SNRNP70: variants seen among roughly 807,000 people sequenced by gnomAD.
SNRNP70 encodes the protein U1 small nuclear ribonucleoprotein 70 kDa.
SNRNP70 carries 8 observed loss-of-function variants against 50.5 expected under a neutral mutation model. The ratio of observed to expected loss-of-function variants is 0.16; its 90% CI spans 0.09 to 0.29. SNRNP70 has a LOEUF of 0.29. Among genes scored for constraint, SNRNP70 ranks in the 10% least tolerant of loss-of-function variants. The pLI, the probability that SNRNP70 is intolerant of heterozygous loss-of-function variation, is 1.00. For synonymous variants in SNRNP70, 320 were observed against 252.9 expected (o/e 1.27, Z -2.52); for missense variants, 529 against 663.5 (o/e 0.80, Z 2.23).
At chr19:49,101,916 C>T (rs1465547891) in intron 7 of SNRNP70, among the ~76,000 whole-genome samples, 1 of 151,730 alleles carries the variant, frequency 6.6e-6, no homozygotes, top group Non-Finnish European at 1.5e-5. Context: ...CTCCGCTTCC[C>T]CAACCCTGGC....
intron 4 of SNRNP70, among the ~76,000 whole-genome samples, chr19:49,095,298 G>A (rs2040498924): frequency 6.6e-6 from 1 of 152,334 alleles, no homozygotes; most frequent in East Asian, 1.9e-4. Flanking sequence ...GCATTCATTG[G>A]TCCCACTGTC....
chr19:49,098,584 C>G (rs559268144), intron 5 of SNRNP70, 58 bp from the exon 6 acceptor site: 7 of 1,594,318 alleles, frequency 4.4e-6, no homozygotes, highest in Non-Finnish European at 6.0e-6. Context: ...GGGGAATGTT[C>G]CAGGGGCTGT....
At chr19:49,089,656 A>ATTTTTTTTTTTTTTTTTTTTTTTTTTTTT (rs71179085) in intron 2 of SNRNP70, among the ~76,000 whole-genome samples, 1 of 82,586 alleles carries the variant, frequency 1.2e-5, no homozygotes, top group Non-Finnish European at 2.2e-5. Context: ...TTGAGACAGG[A>ATTTTTTTTTTTTTTTTTTTTTTTTTTTTT]TTTTTTTTTT....
intron 4 of SNRNP70, among the ~76,000 whole-genome samples, chr19:49,097,164 G>GCTTCTGGCAACACCCACA (rs1443611314): frequency 6.6e-6 from 1 of 151,980 alleles, no homozygotes; most frequent in Non-Finnish European, 1.5e-5. Context: ...TATTTCTCTA[G>GCTTCTGGCAACACCCACA]CTTCTGGCAA....
chr19:49,107,961 A>G lies in SNRNP70; in HGVS notation c.832A>G (p.Arg278Gly). 6.5e-7 allele frequency: 1 copy of G among 1,547,662 alleles called. No individual in the cohort carries two copies. The highest frequency in any genetic ancestry group is 8.7e-7 in the Non-Finnish European group (1 of 1,146,102). ...SRDKEERRRS[R>G]ERSKDKDRDR... The stretch of plus-strand genomic sequence containing the variant: ...CGACAAGGAGGAGCGGAGGCGCTCC[A>G]GGGAGCGGAGCAAGGACAAGGACCG... The change falls in exon 10 of 10, where the codon AGG becomes GGG. Residue 278 changes from arginine to glycine, a missense_variant. By Grantham distance (125) the Arg-to-Gly change is moderately radical (BLOSUM62 -2). Around this residue, in one of 4 missense-constraint regions of SNRNP70, gnomAD observed 327 missense variants for 308.8 expected, o/e 1.06. Coordinates refer to ENST00000598441, the MANE Select transcript of SNRNP70 (RefSeq NM_003089.6). The surrounding 1 kb of genome is among the most constrained non-coding windows in gnomAD (Gnocchi z 6.0).
rs756781409 is a variant in SNRNP70 at position 49,108,071 on chromosome 19, C to T, written c.942C>T (p.Gly314=). The part of the protein sequence containing the change: ...ERKEELRGGG[G]DMAEPSEAGD... ...AGGAGGAGCTGCGTGGCGGCGGTGG[C>T]GACATGGCGGAGCCCTCCGAGGCGG... Residue 314 remains glycine (G), a synonymous_variant, in exon 10 of 10, where the codon GGC becomes GGT. Coordinates refer to ENST00000598441, the MANE Select transcript of SNRNP70 (RefSeq NM_003089.6). 5.2e-6 allele frequency: 8 copies of T among 1,553,036 alleles called. No individual in the cohort carries two copies. The highest frequency in any genetic ancestry group is 2.4e-5 in the South Asian group (2 of 84,146).
At position 49,086,878 on chromosome 19, in the gene SNRNP70, A is replaced by G. The variant is rs533726851; in HGVS notation, c.147+317A>G. Among the ~76,000 whole-genome samples, 20 of 126,754 alleles carry G rather than the reference A, an allele frequency of 1.6e-4. No individual in the cohort carries two copies. In the East Asian group the frequency reaches 3.7e-3, roughly 23 times the overall value. 83.2% of individuals were successfully genotyped at this position (126,754 alleles called of 152,430 possible). A position where few individuals can be genotyped will look rare whatever the true frequency, so the allele number is the denominator to read the frequency against. On this transcript the variant is annotated intron_variant, in intron 2 of 9. Coordinates refer to ENST00000598441, the MANE Select transcript of SNRNP70 (RefSeq NM_003089.6). ...GAGCAGGACTTCGTCTCTCAAAAAA[A>G]AAATTTTTTTTTTAAGTGGGGTTGT...
At chr19:49,090,196 G>A in intron 2 of SNRNP70, 95 bp from the exon 3 acceptor site, 1 of 1,027,256 alleles carries the variant, frequency 9.7e-7, no homozygotes. Flanking sequence ...GTAGGGGGTG[G>A]GGGTGGGAGG....
Position 49,090,305 on chromosome 19 carries a change from C to G in SNRNP70, c.162C>G (p.Ala54=), listed in dbSNP as rs778934620. ...YIREFEDPRD[A]PPPTRAETRE... is the part of the protein sequence containing the mutation. ...CTTGTTCCCAGGACCCTCGAGATGCCCCTCCTCCAACTCGTGCTGAAACCC... is the reference window on the plus strand; with the variant it reads ...CTTGTTCCCAGGACCCTCGAGATGCGCCTCCTCCAACTCGTGCTGAAACCC... Residue 54 remains alanine, a synonymous_variant, in exon 3 of 10, where the codon GCC becomes GCG. Transcript: ENST00000598441. The G allele has an allele frequency of 6.2e-7, 1 of 1,613,944 alleles. No homozygotes were observed. The highest frequency in any genetic ancestry group is 8.5e-7 in the Non-Finnish European group (1 of 1,179,988).
intron 4 of SNRNP70, among the ~76,000 whole-genome samples, chr19:49,092,901 CT>C (rs569222658): frequency 5.3e-4 from 71 of 134,298 alleles, no homozygotes; most frequent in African/African-American, 1.7e-3. Context: ...TGCTCAGCCT[CT>C]TTTTTTTTTG....
intron 4 of SNRNP70, among the ~76,000 whole-genome samples, chr19:49,097,530 A>G (rs1346479253): frequency 6.6e-6 from 1 of 152,186 alleles, no homozygotes; most frequent in Non-Finnish European, 1.5e-5. Flanking sequence ...AACCTCTGGC[A>G]TAAATGGGTT....
rs1463352155 is a variant in SNRNP70 at position 49,086,577 on chromosome 19, A to T, written c.147+16A>T. On this transcript the variant is annotated intron_variant, in intron 2 of 9. Coordinates refer to ENST00000598441, the MANE Select transcript of SNRNP70 (RefSeq NM_003089.6). ...AGAGTTTGAGGTGAGTTCACTGAGC[A>T]GGCCAGGAATGGTTTGGGTTCTGGG... The T allele has an allele frequency of 1.9e-6, 3 of 1,612,954 alleles. No homozygotes were observed. Among genetic ancestry groups the T allele is most frequent in the Admixed American group, 3.3e-5 (2 of 59,894 alleles).
chr19:49,086,480 G>C lies in SNRNP70; in HGVS notation c.66G>C (p.Leu22=). The C allele has an allele frequency of 6.2e-7, 1 of 1,613,938 alleles. No homozygotes were observed. Among genetic ancestry groups the C allele is most frequent in the South Asian group, 1.1e-5 (1 of 91,056 alleles). Residue 22 remains leucine (L), a synonymous_variant, in exon 2 of 10, where the codon CTG becomes CTC. Coordinates refer to ENST00000598441, the MANE Select transcript of SNRNP70 (RefSeq NM_003089.6). ...CCCCCCGTGACCCTATTCCATACCT[G>C]CCACCCCTGGAGAAACTGCCACATG... is the stretch of plus-strand genomic sequence containing the variant. The part of the protein sequence containing the change: ...LFAPRDPIPY[L]PPLEKLPHEK...
At chr19:49,096,503 C>T (rs1275406223) in intron 4 of SNRNP70, among the ~76,000 whole-genome samples, 2 of 152,238 alleles carry the variant, frequency 1.3e-5, no homozygotes, top group Non-Finnish European at 2.9e-5. Context: ...CGGTGGCTCA[C>T]GCCTGTAATG....
intron 4 of SNRNP70, among the ~76,000 whole-genome samples, chr19:49,091,340 A>G (rs888312174): frequency 4.0e-5 from 6 of 150,874 alleles, no homozygotes; most frequent in Admixed American, 6.6e-5. Context: ...GCTCACTGCA[A>G]CCCAGCCTGG....
chr19:49,107,671 C>A lies in SNRNP70; in HGVS notation c.624C>A (p.Ile208=), dbSNP rs2040690343. The part of the protein sequence containing the change: ...GTRRGGADVN[I]RHSGRDDTSR... ...GAAGAGGAGGGGCTGATGTGAACAT[C>A]CGGCATTCAGGCCGCGATGACACCT... Residue 208 remains isoleucine, a synonymous_variant, in exon 9 of 10, where the codon ATC becomes ATA. Coordinates refer to ENST00000598441, the MANE Select transcript of SNRNP70 (RefSeq NM_003089.6). The surrounding 1 kb of genome is among the most constrained non-coding windows in gnomAD (Gnocchi z 6.0). The A allele has an allele frequency of 1.2e-6, 2 of 1,614,102 alleles. No homozygotes were observed. The highest frequency in any genetic ancestry group is 1.7e-6 in the Non-Finnish European group (2 of 1,180,018).
intron 7 of SNRNP70, chr19:49,102,121 G>A (rs2040596193): frequency 7.8e-7 from 1 of 1,284,978 alleles, no homozygotes; most frequent in Non-Finnish European, 1.0e-6. Context: ...CAGCCACCAC[G>A]CAGCTGGCTT....
chr19:49,108,411 A>G lies in SNRNP70; in HGVS notation c.1282A>G (p.Asn428Asp). 1 of 1,610,224 alleles carries G rather than the reference A, an allele frequency of 6.2e-7. No individual in the cohort carries two copies. Among genetic ancestry groups the G allele is most frequent in the South Asian group, 1.1e-5 (1 of 90,376 alleles). The change falls in exon 10 of 10, where the codon AAT (asparagine) becomes GAT (aspartate). Residue 428 changes from asparagine to aspartate, a missense_variant. Transcript: ENST00000598441. ...EGGDGYLAPE[N>D]GYLMEAAPE ...CGGCGACGGCTACCTGGCTCCGGAG[A>G]ATGGGTATTTGATGGAGGCTGCGCC...
chr19:49,098,508 T>C lies in SNRNP70; in HGVS notation c.330+17T>C. The C allele has an allele frequency of 6.2e-7, 1 of 1,612,184 alleles. No individual in the cohort carries two copies. The highest frequency in any genetic ancestry group is 1.3e-5 in the African/African-American group (1 of 75,004). On this transcript the variant is annotated intron_variant, in intron 5 of 9. Transcript: ENST00000598441. Reference sequence around the variant, plus strand: ...GCGAGAGTGGTAAGTCCCCAGCTCCTAGCTCCTGGAACCCCACGCTGCTGA... The same window carrying C: ...GCGAGAGTGGTAAGTCCCCAGCTCCCAGCTCCTGGAACCCCACGCTGCTGA...
Sources: gnomAD v4.1 joint callset for allele counts (sites outside exome capture counted in the v4.1 genomes callset) on GRCh38, gnomAD v4.1.1 for gene constraint, gnomAD v4.1.1 regional missense constraint, Gnocchi (gnomAD v3.1) non-coding constraint, MANE v1.5 for transcripts, NCBI Gene and HGNC (gene_info 2026-07-23, HGNC 2026-07-21) for gene names.